The following MYRFL variants were observed in gnomAD, a reference collection of about 807,000 sequenced individuals.
MYRFL encodes the protein myelin regulatory factor-like protein.
MYRFL carries 88 observed loss-of-function variants against 109.4 expected under a neutral mutation model. That is an observed-to-expected ratio of 0.80 (90% CI 0.68 to 0.96). The LOEUF (loss-of-function observed/expected upper bound fraction) is 0.96, where lower values mean the gene tolerates loss of function less well. Ranked by LOEUF, MYRFL falls within the 40% of genes least tolerant of loss-of-function variation. The probability of loss-of-function intolerance (pLI) is 0.00; values close to 1 mark genes in which losing one functional copy is unlikely to be tolerated. For missense variants in MYRFL, 957 were observed against 954.9 expected, an observed-to-expected ratio of 1.00 and a Z score of -0.03; for synonymous variants, 324 against 320.9, an observed-to-expected ratio of 1.01 and a Z score of -0.10.
chr12:69,863,535 A>G (rs1337317684), intron 2 of MYRFL, among the ~76,000 whole-genome samples: 6 of 152,236 alleles, frequency 3.9e-5, no homozygotes, highest in Admixed American at 2.0e-4. Context: ...ACCACTTCAC[A>G]TGAAAAGTAG....
chr12:69,884,028 G>A (rs1210430130), intron 5 of MYRFL, among the ~76,000 whole-genome samples: 1 of 152,082 alleles, frequency 6.6e-6, no homozygotes, highest in East Asian at 1.9e-4. Flanking sequence ...ATTGACAGGG[G>A]GCATGTAGGT....
intron 2 of MYRFL, among the ~76,000 whole-genome samples, chr12:69,874,112 G>A (rs995891554): frequency 9.9e-5 from 15 of 152,110 alleles, no homozygotes; most frequent in Non-Finnish European, 1.9e-4. Context: ...ATACCTATGT[G>A]CATTATAAAC....
chr12:69,841,823 T>C (rs949423993), intron 1 of MYRFL, among the ~76,000 whole-genome samples: 1 of 152,220 alleles, frequency 6.6e-6, no homozygotes, highest in Non-Finnish European at 1.5e-5. Flanking sequence ...GTCTATAAAC[T>C]TCTTGAGCAC....
intron 8 of MYRFL, among the ~76,000 whole-genome samples, chr12:69,894,286 C>T (rs895839436): frequency 1.3e-5 from 2 of 152,150 alleles, no homozygotes; most frequent in Non-Finnish European, 2.9e-5. Flanking sequence ...GCGTGAGCCA[C>T]AGTGCCCTGC....
intron 11 of MYRFL, among the ~76,000 whole-genome samples, chr12:69,906,191 A>C (rs1054155246): frequency 6.6e-6 from 1 of 152,224 alleles, no homozygotes; most frequent in South Asian, 2.1e-4. Context: ...GTGGATATTA[A>C]GAACATGATT....
intron 11 of MYRFL, among the ~76,000 whole-genome samples, chr12:69,908,426 T>C (rs1954446506): frequency 6.6e-6 from 1 of 152,140 alleles, no homozygotes; most frequent in African/African-American, 2.4e-5. Flanking sequence ...AATGCTTACA[T>C]TGGTGAAGGG....
intron 1 of MYRFL, among the ~76,000 whole-genome samples, chr12:69,834,943 T>G (rs377506386): frequency 1.7e-4 from 26 of 152,288 alleles, no homozygotes; most frequent in African/African-American, 5.8e-4. Flanking sequence ...TGGCATTCTT[T>G]GTTTGGGGTT....
intron 6 of MYRFL, among the ~76,000 whole-genome samples, chr12:69,887,999 A>AACT (rs1886561566): frequency 6.6e-6 from 1 of 152,196 alleles, no homozygotes. Context: ...CGAGGTATGA[A>AACT]ACTGTCACAC....
rs1046375702 is a variant in MYRFL, at chr12:69,879,052, G to A, written c.162G>A (p.Pro54=). 5 of 702,790 alleles carry A rather than the reference G, an allele frequency of 7.1e-6. No homozygotes were observed. Among genetic ancestry groups the A allele is most frequent in the African/African-American group, 3.5e-5 (2 of 57,236 alleles). 43.5% of individuals were successfully genotyped at this position (702,790 alleles called of 1,614,324 possible). A position where few individuals can be genotyped will look rare whatever the true frequency, so the allele number is the denominator to read the frequency against. The change falls in exon 3 of 25, where the codon CCG becomes CCA. Residue 54 remains proline, a synonymous_variant. Coordinates refer to ENST00000552032, the MANE Select transcript of MYRFL (RefSeq NM_182530.3). ...GGCAACGCCAGCTCCCAGACACCCCGCCCTATTCTGCATCCGACTCATGCT... is the reference window on the plus strand; with the variant it reads ...GGCAACGCCAGCTCCCAGACACCCCACCCTATTCTGCATCCGACTCATGCT... ...GALQRQLPDT[P]PYSASDSCSP...
At chr12:69,871,435 T>C (rs1477443367) in intron 2 of MYRFL, among the ~76,000 whole-genome samples, 2 of 152,090 alleles carry the variant, frequency 1.3e-5, no homozygotes, top group Non-Finnish European at 2.9e-5. Flanking sequence ...GATTTCACCG[T>C]GTTAGCCGGG....
intron 2 of MYRFL, among the ~76,000 whole-genome samples, chr12:69,859,882 A>G (rs1884531337): frequency 6.6e-6 from 1 of 152,166 alleles, no homozygotes; most frequent in African/African-American, 2.4e-5. Flanking sequence ...GGCATCTAGG[A>G]AGTCTATTTG....
chr12:69,902,585 G>T (rs1314595745), intron 10 of MYRFL, among the ~76,000 whole-genome samples: 1 of 152,122 alleles, frequency 6.6e-6, no homozygotes, highest in Admixed American at 6.5e-5. Flanking sequence ...TATTAGTACT[G>T]ACTTTTTAGA....
chr12:69,868,417 C>T (rs939310232), intron 2 of MYRFL, among the ~76,000 whole-genome samples: 1 of 152,120 alleles, frequency 6.6e-6, no homozygotes, highest in Non-Finnish European at 1.5e-5. Context: ...CAGACCAAAC[C>T]TCAGTTTCAT....
intron 23 of MYRFL, 93 bp from the exon 24 acceptor site, chr12:69,958,156 C>G: frequency 8.2e-7 from 1 of 1,226,390 alleles, no homozygotes; most frequent in South Asian, 1.4e-5. Flanking sequence ...ACTTCTCCTA[C>G]AGTCATTGAG....
intron 12 of MYRFL, among the ~76,000 whole-genome samples, 199 bp from the exon 13 acceptor site, chr12:69,910,622 G>T (rs997335521): frequency 7.4e-6 from 1 of 135,462 alleles, no homozygotes; most frequent in African/African-American, 2.9e-5. Flanking sequence ...CCCCCTGTTG[G>T]CCCAGAGTCT....
In MYRFL at chr12:69,862,505, G is replaced by A. The variant is rs1320814274; in HGVS notation, c.137+7135G>A. Among the ~76,000 whole-genome samples, 30 of 150,428 alleles carry A rather than the reference G, an allele frequency of 2.0e-4. No homozygotes were observed. In the East Asian group the frequency reaches 5.6e-3, roughly 28 times the overall value. On this transcript the variant is annotated intron_variant, in intron 2 of 24. Coordinates refer to ENST00000552032, the MANE Select transcript of MYRFL (RefSeq NM_182530.3). ...GATTCCTAGGTATTTTATTCTCTTT[G>A]AAGCAATTGTGAATGGGAGTTCACT...
chr12:69,827,102 A>T (rs1264528947), intron 1 of MYRFL, among the ~76,000 whole-genome samples: 1 of 152,058 alleles, frequency 6.6e-6, no homozygotes, highest in Non-Finnish European at 1.5e-5. Context: ...TCATGCTCCT[A>T]TTGATATGTT....
At chr12:69,931,085 A>C (rs924855557) in intron 15 of MYRFL, among the ~76,000 whole-genome samples, 1 of 152,202 alleles carries the variant, frequency 6.6e-6, no homozygotes, top group African/African-American at 2.4e-5. Context: ...GAGGATCAAT[A>C]ACATTTAGAT....
At chr12:69,890,570 C>G (rs1239921296) in intron 6 of MYRFL, among the ~76,000 whole-genome samples, 1 of 152,112 alleles carries the variant, frequency 6.6e-6, no homozygotes, top group East Asian at 1.9e-4. Flanking sequence ...CCTGTCTCTA[C>G]TAAAAATACA....
Sources: gnomAD v4.1 joint callset for allele counts (sites outside exome capture counted in the v4.1 genomes callset) on GRCh38, gnomAD v4.1.1 for gene constraint, MANE v1.5 for transcripts, NCBI Gene and HGNC (gene_info 2026-07-23, HGNC 2026-07-21) for gene names.